Variants in KCNIP4 observed in about 807,000 individuals in gnomAD.
KCNIP4 encodes the protein Kv channel-interacting protein 4.
KCNIP4 carries 12 observed loss-of-function variants against 34.0 expected under a neutral mutation model. The ratio of observed to expected loss-of-function variants is 0.35; its 90% CI spans 0.23 to 0.57. The LOEUF (loss-of-function observed/expected upper bound fraction) is 0.57. Among genes scored for constraint, KCNIP4 ranks in the 20% least tolerant of loss-of-function variants. KCNIP4 has a pLI of 0.83. For missense variants in KCNIP4, 238 were observed against 311.7 expected (o/e 0.76, Z 1.78); for synonymous variants, 124 against 102.2 (o/e 1.21, Z -1.29).
intron 1 of KCNIP4, among the ~76,000 whole-genome samples, chr4:21,445,818 C>T (rs971256803): frequency 1.3e-5 from 2 of 152,172 alleles, no homozygotes; most frequent in Non-Finnish European, 2.9e-5. Context: ...AAAGAAACTA[C>T]CATCAGAGTG....
Position 21,369,092 on chromosome 4 carries a change from C to G in KCNIP4, c.62-486383G>C, listed in dbSNP as rs1376684575. On this transcript the variant is annotated intron_variant, in intron 1 of 8. Coordinates refer to ENST00000382152, the MANE Select transcript of KCNIP4 (RefSeq NM_025221.6). ...ATTCTAGCTCCTGTTTTATCACTTA[C>G]TAGCTGAATGGTCTTGAGAAATTAA... Among the ~76,000 whole-genome samples, 2 of 147,014 alleles carry G rather than the reference C, an allele frequency of 1.4e-5. 1 individual carries two copies. The highest frequency in any genetic ancestry group is 5.4e-5 in the African/African-American group (2 of 36,760).
intron 5 of KCNIP4, among the ~76,000 whole-genome samples, chr4:20,746,595 G>C (rs1009155608): frequency 2.0e-5 from 3 of 152,022 alleles, no homozygotes; most frequent in Admixed American, 6.6e-5. Context: ...TTTGGTGCCA[G>C]ACACAGAGCC....
intron 1 of KCNIP4, among the ~76,000 whole-genome samples, chr4:21,675,190 G>A (rs1335621189): frequency 6.6e-6 from 1 of 152,098 alleles, no homozygotes; most frequent in Non-Finnish European, 1.5e-5. Context: ...AAATAAACAA[G>A]GCAGAGAAAG....
At chr4:21,452,718 T>A (rs1482860194) in intron 1 of KCNIP4, among the ~76,000 whole-genome samples, 2 of 151,568 alleles carry the variant, frequency 1.3e-5, no homozygotes, top group African/African-American at 4.9e-5. Context: ...TGTTAAAGTG[T>A]TTCTTCAAAG....
At chr4:20,993,656 T>C (rs1430839922) in intron 1 of KCNIP4, among the ~76,000 whole-genome samples, 1 of 152,212 alleles carries the variant, frequency 6.6e-6, no homozygotes, top group Non-Finnish European at 1.5e-5. Flanking sequence ...TGTTGCAGCT[T>C]ATGTGCCTGA....
intron 1 of KCNIP4, among the ~76,000 whole-genome samples, chr4:21,665,517 C>G (rs78545512): frequency 1.3e-5 from 2 of 149,932 alleles, no homozygotes; most frequent in Non-Finnish European, 3.0e-5. Flanking sequence ...GGGCACCCCC[C>G]CCCCCTCATT....
chr4:21,519,568 A>ATGTGTGTATGTGTATGTG, intron 1 of KCNIP4, among the ~76,000 whole-genome samples: 1 of 49,830 alleles, frequency 2.0e-5, no homozygotes, highest in South Asian at 6.5e-4. Flanking sequence ...ATGTGTATAT[A>ATGTGTGTATGTGTATGTG]TACACATATG....
chr4:21,945,551 A>C (rs1482765482), intron 1 of KCNIP4, among the ~76,000 whole-genome samples: 1 of 152,226 alleles, frequency 6.6e-6, no homozygotes, highest in East Asian at 1.9e-4. Flanking sequence ...ATGGCAATTC[A>C]AAATTGAAGA....
intron 1 of KCNIP4, among the ~76,000 whole-genome samples, chr4:21,012,818 C>T (rs1441315689): frequency 6.6e-6 from 1 of 152,190 alleles, no homozygotes; most frequent in Non-Finnish European, 1.5e-5. Flanking sequence ...CTATGTTTCT[C>T]ACAGTCTTAT....
At chr4:21,648,341 T>C (rs1747195353) in intron 1 of KCNIP4, among the ~76,000 whole-genome samples, 1 of 152,224 alleles carries the variant, frequency 6.6e-6, no homozygotes, top group African/African-American at 2.4e-5. Flanking sequence ...TGTTTTAATT[T>C]ATTATTTAAA....
rs1001742647 is a variant in KCNIP4, at chr4:21,826,039, T to C, written c.61+122532A>G. Among the ~76,000 whole-genome samples, 67 of 152,100 alleles carry C rather than the reference T, an allele frequency of 4.4e-4. 1 individual carries two copies. Among genetic ancestry groups the C allele is most frequent in the African/African-American group, 1.5e-3 (64 of 41,440 alleles). Reference sequence around the variant, plus strand: ...CAAAGAACCTAAAGTGCAAATGGAATTGGCCTTTTCAGTGTCCAGGAAAAG... The same window carrying C: ...CAAAGAACCTAAAGTGCAAATGGAACTGGCCTTTTCAGTGTCCAGGAAAAG... On this transcript the variant is annotated intron_variant, in intron 1 of 8. Transcript: ENST00000382152.
intron 4 of KCNIP4, among the ~76,000 whole-genome samples, chr4:20,750,033 G>T (rs1753307832): frequency 6.6e-6 from 1 of 152,180 alleles, no homozygotes; most frequent in Admixed American, 6.5e-5. Flanking sequence ...AGGTGGATGT[G>T]AAGATTGAGA....
intron 1 of KCNIP4, among the ~76,000 whole-genome samples, chr4:21,157,233 G>T (rs1753203532): frequency 6.6e-6 from 1 of 151,984 alleles, no homozygotes; most frequent in Admixed American, 6.6e-5. Flanking sequence ...ATTCAATCAA[G>T]AACTATGTAT....
Position 21,314,316 on chromosome 4 carries a change from A to T in KCNIP4, c.62-431607T>A, listed in dbSNP as rs541117702. 3.3e-5 allele frequency among the ~76,000 whole-genome samples: 5 copies of T among 152,328 alleles called. No homozygotes were observed. The South Asian group carries it at 1.0e-3, about 32-fold the overall frequency. Reference sequence around the variant, plus strand: ...TCAAAGTCAACTGATTAGGAACCTTAGTTACAGCTACAAAATCTTTTCACC... The same window carrying T: ...TCAAAGTCAACTGATTAGGAACCTTTGTTACAGCTACAAAATCTTTTCACC... On this transcript the variant is annotated intron_variant, in intron 1 of 8. Coordinates refer to ENST00000382152, the MANE Select transcript of KCNIP4 (RefSeq NM_025221.6).
At chr4:21,728,060 C>T (rs941187166) in intron 1 of KCNIP4, among the ~76,000 whole-genome samples, 1 of 149,942 alleles carries the variant, frequency 6.7e-6, no homozygotes, top group Non-Finnish European at 1.5e-5. Flanking sequence ...TCTTTCAAAT[C>T]TCAGCCTCTT....
intron 1 of KCNIP4, among the ~76,000 whole-genome samples, chr4:21,734,646 C>T (rs1208070759): frequency 6.6e-6 from 1 of 152,050 alleles, no homozygotes; most frequent in Non-Finnish European, 1.5e-5. Context: ...AAACACTTGA[C>T]TCAATTGGTA....
chr4:21,210,874 A>AT (rs1323327588), intron 1 of KCNIP4, among the ~76,000 whole-genome samples: 1 of 152,238 alleles, frequency 6.6e-6, no homozygotes, highest in Non-Finnish European at 1.5e-5. Flanking sequence ...ATGCAAAAAA[A>AT]GATTAAAATT....
chr4:21,302,892 C>G (rs1300793099), intron 1 of KCNIP4, among the ~76,000 whole-genome samples: 1 of 152,052 alleles, frequency 6.6e-6, no homozygotes, highest in African/African-American at 2.4e-5. Flanking sequence ...ATGTATTTTC[C>G]TTTTTACTTA....
intron 1 of KCNIP4, among the ~76,000 whole-genome samples, chr4:20,988,246 T>C (rs1365942373): frequency 1.3e-5 from 2 of 152,098 alleles, no homozygotes; most frequent in Non-Finnish European, 2.9e-5. Flanking sequence ...AATGGTTCTT[T>C]AACTGGGGCC....
Sources: allele counts gnomAD v4.1 joint callset (sites outside exome capture counted in the v4.1 genomes callset), GRCh38; gene constraint gnomAD v4.1.1; transcripts MANE v1.5; gene names NCBI Gene and HGNC (gene_info 2026-07-23, HGNC 2026-07-21).